The following TRPC4 variants were observed in gnomAD, a reference collection of about 807,000 sequenced individuals.
TRPC4 encodes transient receptor potential cation channel subfamily C member 4, also known as short transient receptor potential channel 4.
In TRPC4, 49 loss-of-function variants were observed where a neutral mutation model predicts 99.4. The observed-to-expected ratio is 0.49, with a 90% confidence interval of 0.39 to 0.63. The LOEUF is 0.63. TRPC4 is among the 20% of genes least tolerant of loss of function. The pLI, the probability that TRPC4 is intolerant of heterozygous loss-of-function variation, is 0.00. For synonymous variants in TRPC4, 454 were observed against 425.9 expected, an observed-to-expected ratio of 1.07 and a Z score of -0.81; for missense variants, 898 against 1,152.9, an observed-to-expected ratio of 0.78 and a Z score of 3.20.
rs1431562717 is a variant in TRPC4, at chr13:37,789,740, G to A, written c.-27-6380C>T. On this transcript the variant is annotated intron_variant, in intron 1 of 10. Coordinates refer to ENST00000379705, the MANE Select transcript of TRPC4 (RefSeq NM_016179.4). ...GCACATCTTTACTACTAAGCTTTTG[G>A]CAGCTGTATGAGGAAATATAACTGT... Among the ~76,000 whole-genome samples, 3 of 150,760 alleles carry A rather than the reference G, an allele frequency of 2.0e-5. No individual in the cohort carries two copies. In the East Asian group the frequency reaches 5.8e-4, roughly 29 times the overall value.
chr13:37,840,639 ATAT>A (rs1958706183), intron 1 of TRPC4, among the ~76,000 whole-genome samples: 1 of 151,964 alleles, frequency 6.6e-6, no homozygotes, highest in Non-Finnish European at 1.5e-5. Flanking sequence ...ATATGTTATA[ATAT>A]TATTATTTAA....
At chr13:37,692,405 G>A (rs1953747222) in intron 3 of TRPC4, 70 bp from the exon 4 acceptor site, 1 of 1,296,510 alleles carries the variant, frequency 7.7e-7, no homozygotes, top group Middle Eastern at 2.6e-4. Flanking sequence ...TCATCAATAA[G>A]AACACAATTG....
rs561327916 is a variant in TRPC4, at chr13:37,634,325, T to A, written c.*2578A>T. Among the ~76,000 whole-genome samples, 1 of 152,176 alleles carries A rather than the reference T, an allele frequency of 6.6e-6. No homozygotes were observed. The highest frequency in any genetic ancestry group is 1.5e-5 in the Non-Finnish European group (1 of 67,978). ...TCATCTTCATTAATGCTACATAATG[T>A]CACTACGTATTTAGAATAGCATTCA... On this transcript the variant is annotated 3_prime_UTR_variant, in exon 11 of 11. Transcript: ENST00000379705.
chr13:37,651,025 G>T (rs1268141402), intron 8 of TRPC4, among the ~76,000 whole-genome samples: 1 of 152,172 alleles, frequency 6.6e-6, no homozygotes, highest in African/African-American at 2.4e-5. Flanking sequence ...GGAGGGCTGT[G>T]TGAAGAGCGG....
intron 10 of TRPC4, among the ~76,000 whole-genome samples, chr13:37,637,936 A>C (rs1725346313): frequency 1.3e-5 from 2 of 152,070 alleles, no homozygotes; most frequent in South Asian, 4.2e-4. Flanking sequence ...TTCTCTCCAA[A>C]TTATTCATCT....
intron 2 of TRPC4, among the ~76,000 whole-genome samples, chr13:37,761,192 T>A (rs961826362): frequency 6.6e-6 from 1 of 151,966 alleles, no homozygotes; most frequent in Non-Finnish European, 1.5e-5. Flanking sequence ...ATGAAACACT[T>A]GCCATGTGCC....
intron 1 of TRPC4, among the ~76,000 whole-genome samples, chr13:37,841,400 G>T (rs1028305998): frequency 6.6e-6 from 1 of 151,390 alleles, no homozygotes; most frequent in African/African-American, 2.4e-5. Context: ...TGGTGTAAAA[G>T]AACAAATATC....
chr13:37,637,168 C>T lies in TRPC4; in HGVS notation c.2669G>A (p.Gly890Glu). The change falls in exon 11 of 11, where the codon GGA (glycine) becomes GAA (glutamate). Residue 890 changes from glycine to glutamate, a missense_variant. By Grantham distance (98) the Gly-to-Glu change is moderately conservative. Around this residue, in one of 3 missense-constraint regions of TRPC4, gnomAD observed 346 missense variants for 351.4 expected, o/e 0.98. Transcript: ENST00000379705. ...LERNIQLESR[G>E]LASRGDLSIP... Reference sequence around the variant, plus strand: ...GCTCAGGTCACCCCGTGAAGCTAATCCTCGAGATTCCAGTTGAATATTTCT... The same window carrying T: ...GCTCAGGTCACCCCGTGAAGCTAATTCTCGAGATTCCAGTTGAATATTTCT... 1 of 1,613,824 alleles carries T rather than the reference C, an allele frequency of 6.2e-7. No homozygotes were observed. Among genetic ancestry groups the T allele is most frequent in the South Asian group, 1.1e-5 (1 of 91,076 alleles).
intron 3 of TRPC4, among the ~76,000 whole-genome samples, chr13:37,698,159 G>A (rs1953980577): frequency 1.1e-4 from 1 of 9,486 alleles, no homozygotes; most frequent in South Asian, 3.3e-3. Flanking sequence ...GTTACTCCAA[G>A]GACTAACCTT....
intron 1 of TRPC4, among the ~76,000 whole-genome samples, chr13:37,800,041 A>C (rs916808522): frequency 6.6e-6 from 1 of 152,186 alleles, no homozygotes; most frequent in Non-Finnish European, 1.5e-5. Flanking sequence ...GTATTCAATC[A>C]ATGGTGATAC....
At chr13:37,754,881 G>C (rs548116241) in intron 2 of TRPC4, among the ~76,000 whole-genome samples, 5 of 152,048 alleles carry the variant, frequency 3.3e-5, no homozygotes, top group Non-Finnish European at 7.4e-5. Context: ...TTCTTAAAAT[G>C]TATCTACATA....
intron 2 of TRPC4, 140 bp from the exon 3 acceptor site, chr13:37,746,595 G>T (rs1376021264): frequency 4.6e-6 from 4 of 875,274 alleles, no homozygotes; most frequent in Non-Finnish European, 6.4e-6. Context: ...GAGAGATATG[G>T]TCTTTTCCCC....
At chr13:37,799,239 G>A (rs1258473762) in intron 1 of TRPC4, among the ~76,000 whole-genome samples, 3 of 151,978 alleles carry the variant, frequency 2.0e-5, no homozygotes, top group Non-Finnish European at 4.4e-5. Flanking sequence ...CGGCCTAAAG[G>A]GAAGTAATCT....
At chr13:37,724,959 T>C (rs1470815898) in intron 3 of TRPC4, among the ~76,000 whole-genome samples, 1 of 151,990 alleles carries the variant, frequency 6.6e-6, no homozygotes, top group Non-Finnish European at 1.5e-5. Context: ...AACAAAGACT[T>C]TAAACAAAGA....
At chr13:37,720,234 C>T (rs1317723472) in intron 3 of TRPC4, among the ~76,000 whole-genome samples, 1 of 151,912 alleles carries the variant, frequency 6.6e-6, no homozygotes, top group Non-Finnish European at 1.5e-5. Flanking sequence ...TTGCTTTGAG[C>T]CACTATGCAA....
At chr13:37,648,193 G>A (rs1951908624) in intron 8 of TRPC4, among the ~76,000 whole-genome samples, 1 of 152,074 alleles carries the variant, frequency 6.6e-6, no homozygotes, top group African/African-American at 2.4e-5. Flanking sequence ...CACCCACCTA[G>A]GCCTCCCAAA....
intron 4 of TRPC4, among the ~76,000 whole-genome samples, chr13:37,689,144 C>T (rs1953595204): frequency 6.6e-6 from 1 of 152,170 alleles, no homozygotes; most frequent in East Asian, 1.9e-4. Context: ...ATAATGGTAG[C>T]TTAGCAGACA....
At chr13:37,811,256 A>G (rs746322148) in intron 1 of TRPC4, among the ~76,000 whole-genome samples, 2 of 152,168 alleles carry the variant, frequency 1.3e-5, no homozygotes, top group African/African-American at 2.4e-5. Context: ...ATATGTTTGT[A>G]GAACTATGAT....
intron 3 of TRPC4, among the ~76,000 whole-genome samples, chr13:37,718,807 T>C (rs1954763833): frequency 2.0e-5 from 3 of 152,042 alleles, no homozygotes; most frequent in Non-Finnish European, 4.4e-5. Flanking sequence ...AAAGGTGTAT[T>C]TGAAGTCTCA....
Sources: gnomAD v4.1 joint callset for allele counts (sites outside exome capture counted in the v4.1 genomes callset) on GRCh38, gnomAD v4.1.1 for gene constraint, gnomAD v4.1.1 regional missense constraint, MANE v1.5 for transcripts, NCBI Gene and HGNC (gene_info 2026-07-23, HGNC 2026-07-21) for gene names.